Variants in UNC13C observed in about 807,000 individuals in gnomAD.
UNC13C encodes the protein unc-13 homolog C.
In UNC13C, 174 loss-of-function variants were observed where a neutral mutation model predicts 245.4. The observed-to-expected ratio is 0.71, with a 90% CI of 0.63 to 0.80. The LOEUF is 0.80. UNC13C is among the 30% of genes least tolerant of loss of function. The pLI is 0.00. For synonymous variants in UNC13C, 992 were observed against 895.1 expected, an observed-to-expected ratio of 1.11 and a Z score of -1.93; for missense variants, 2,829 against 2,602.9, an observed-to-expected ratio of 1.09 and a Z score of -1.89.
chr15:54,496,020 A>G (rs1245869225), intron 20 of UNC13C, among the ~76,000 whole-genome samples: 3 of 152,048 alleles, frequency 2.0e-5, no homozygotes, highest in African/African-American at 7.2e-5. Flanking sequence ...TGGTGACTGT[A>G]ATTAGTGTAT....
chr15:53,989,641 G>A (rs553572895), intron 1 of UNC13C, among the ~76,000 whole-genome samples: 5 of 152,014 alleles, frequency 3.3e-5, no homozygotes, highest in South Asian at 2.1e-4. Flanking sequence ...CAAGTTAACC[G>A]TAATTTTAAA....
At chr15:54,079,015 A>G (rs1202504521) in intron 2 of UNC13C, among the ~76,000 whole-genome samples, 1 of 152,120 alleles carries the variant, frequency 6.6e-6, no homozygotes, top group East Asian at 1.9e-4. Flanking sequence ...ATCTATTTTT[A>G]GTCTTCTGCA....
chr15:54,401,329 G>A (rs370587323), intron 18 of UNC13C, among the ~76,000 whole-genome samples: 8 of 152,050 alleles, frequency 5.3e-5, no homozygotes, highest in African/African-American at 7.2e-5. Context: ...AGATATATAC[G>A]AAATTAATCA....
At chr15:54,383,188 C>CTATGAGGCT (rs2039764542) in intron 17 of UNC13C, among the ~76,000 whole-genome samples, 1 of 152,126 alleles carries the variant, frequency 6.6e-6, no homozygotes, top group African/African-American at 2.4e-5. Context: ...CCTACTCATT[C>CTATGAGGCT]TATGAGGCTA....
At chr15:54,119,410 G>T (rs1178613470) in intron 2 of UNC13C, among the ~76,000 whole-genome samples, 1 of 151,934 alleles carries the variant, frequency 6.6e-6, no homozygotes, top group Non-Finnish European at 1.5e-5. Context: ...AATTGTTTTG[G>T]AACACCGCAT....
At chr15:54,514,748 G>A (rs1410102374) in intron 24 of UNC13C, among the ~76,000 whole-genome samples, 1 of 152,132 alleles carries the variant, frequency 6.6e-6, no homozygotes, top group Non-Finnish European at 1.5e-5. Context: ...TAAAAAGAGT[G>A]TTTAAAACCC....
the UNC13C span, among the ~76,000 whole-genome samples, chr15:53,886,617 C>A: frequency 6.6e-6 from 1 of 152,120 alleles, no homozygotes; most frequent in South Asian, 2.1e-4. Flanking sequence ...CAGTATAATT[C>A]TTCACTCCTT....
the UNC13C span, among the ~76,000 whole-genome samples, chr15:53,969,591 C>A: frequency 7.0e-4 from 104 of 149,282 alleles, 1 homozygote; most frequent in Admixed American, 1.7e-3. Context: ...GATGCTGAGG[C>A]AGGAGGGTTG....
intron 14 of UNC13C, among the ~76,000 whole-genome samples, chr15:54,326,713 A>G (rs756291817): frequency 3.3e-5 from 5 of 152,008 alleles, no homozygotes; most frequent in Non-Finnish European, 5.9e-5. Flanking sequence ...TGGGAGGAAC[A>G]TATTAATAGC....
chr15:54,441,993 A>G (rs1361781003), intron 19 of UNC13C, among the ~76,000 whole-genome samples: 2 of 151,958 alleles, frequency 1.3e-5, no homozygotes, highest in African/African-American at 4.8e-5. Flanking sequence ...ATTATTGTAT[A>G]GAAACACTAC....
chr15:54,464,924 A>G (rs564189980), intron 19 of UNC13C, among the ~76,000 whole-genome samples: 38 of 152,086 alleles, frequency 2.5e-4, no homozygotes, highest in African/African-American at 9.1e-4. Context: ...AGGCTTCACT[A>G]AAATTGTCAT....
At chr15:54,238,094 T>TTTTTG (rs58024773) in intron 7 of UNC13C, among the ~76,000 whole-genome samples, 7 of 149,898 alleles carry the variant, frequency 4.7e-5, no homozygotes, top group Admixed American at 3.3e-4. Context: ...TTTTTTTTTT[T>TTTTTG]GAGACAGAAT....
At chr15:53,983,309 T>A (rs1894000028) in intron 1 of UNC13C, among the ~76,000 whole-genome samples, 6 of 152,092 alleles carry the variant, frequency 3.9e-5, no homozygotes, top group Admixed American at 2.6e-4. Flanking sequence ...CTCTCTGGAT[T>A]GGCACACTCA....
chr15:54,096,925 T>C (rs904807397), intron 2 of UNC13C, among the ~76,000 whole-genome samples: 6 of 152,214 alleles, frequency 3.9e-5, no homozygotes, highest in African/African-American at 1.4e-4. Flanking sequence ...AGAGAGGATA[T>C]CGACCTTAAA....
chr15:54,372,420 G>T (rs1438010583), intron 17 of UNC13C, among the ~76,000 whole-genome samples: 2 of 151,954 alleles, frequency 1.3e-5, no homozygotes, highest in African/African-American at 4.8e-5. Context: ...TTTATAAAAA[G>T]ATAATAAGAT....
intron 22 of UNC13C, among the ~76,000 whole-genome samples, chr15:54,502,605 G>A (rs1306980886): frequency 2.6e-5 from 4 of 152,064 alleles, no homozygotes; most frequent in Non-Finnish European, 4.4e-5. Context: ...TTGGGTGAAT[G>A]CCAAGAAAAG....
rs189154824 is a variant in UNC13C, at chr15:54,146,285, C to A, written c.3071+2601C>A. Reference sequence around the variant, plus strand: ...TCATTGCTTTTCTATTACAATGCTGCTAAATCTTTCACTTTTCTACCTTCG... The same window carrying A: ...TCATTGCTTTTCTATTACAATGCTGATAAATCTTTCACTTTTCTACCTTCG... On this transcript the variant is annotated intron_variant, in intron 4 of 32. Transcript: ENST00000260323. Among the ~76,000 whole-genome samples the A allele has an allele frequency of 5.6e-3, 852 of 152,228 alleles. 7 individuals carry two copies. The highest frequency in any genetic ancestry group is 8.2e-3 in the Non-Finnish European group (556 of 68,018).
intron 13 of UNC13C, 60 bp from the exon 14 acceptor site, chr15:54,321,879 G>C (rs1358966940): frequency 6.8e-7 from 1 of 1,475,668 alleles, no homozygotes; most frequent in East Asian, 2.5e-5. Context: ...TAGAAGCTCT[G>C]TTGTTGTATG....
At chr15:54,523,745 C>T (rs1373380537) in intron 24 of UNC13C, among the ~76,000 whole-genome samples, 1 of 152,094 alleles carries the variant, frequency 6.6e-6, no homozygotes, top group Admixed American at 6.6e-5. Flanking sequence ...AAATAAGAAG[C>T]AACCCCCATT....
Sources: allele counts gnomAD v4.1 joint callset (sites outside exome capture counted in the v4.1 genomes callset), GRCh38; gene constraint gnomAD v4.1.1; transcripts MANE v1.5; gene names NCBI Gene and HGNC (gene_info 2026-07-23, HGNC 2026-07-21).